The following WDPCP variants were observed in gnomAD, a reference collection of about 807,000 sequenced individuals.
WDPCP encodes the protein WD repeat containing planar cell polarity effector, also known as WD repeat-containing and planar cell polarity effector protein fritz homolog.
Under a neutral mutation model 93.1 loss-of-function variants are expected in WDPCP, and 71 were observed. The observed-to-expected ratio is 0.76, with a 90% CI of 0.63 to 0.93. The LOEUF (loss-of-function observed/expected upper bound fraction) is 0.93, where lower values mean the gene tolerates loss of function less well. WDPCP is among the 40% of genes least tolerant of loss of function. The pLI is 0.00. For synonymous variants in WDPCP, 315 were observed against 315.0 expected (o/e 1.00, Z 0.00); for missense variants, 844 against 887.4 (o/e 0.95, Z 0.62).
chr2:63,238,644 A>G (rs926828358), intron 14 of WDPCP, among the ~76,000 whole-genome samples: 3 of 152,172 alleles, frequency 2.0e-5, no homozygotes, highest in Admixed American at 2.0e-4. Context: ...CACAGGTTTA[A>G]AGACACACAA....
Position 63,382,071 on chromosome 2 carries a change from C to T in WDPCP, c.1459G>A (p.Gly487Ser). ...TACTGGAAGATGATGTCTATCAGGC[C>T]CAGCTGTCCTCGAGTGAAGACGCCT... ...KLGVFTRGQL[G>S]LIDIIFQYIH... Residue 487 changes from glycine (G) to serine (S), a missense_variant, in exon 11 of 18, where the codon GGC becomes AGC. By Grantham distance (56) the Gly-to-Ser change is moderately conservative. Transcript: ENST00000272321. 6.2e-7 allele frequency: 1 copy of T among 1,612,966 alleles called. No individual in the cohort carries two copies. The highest frequency in any genetic ancestry group is 8.5e-7 in the Non-Finnish European group (1 of 1,179,584).
intron 2 of WDPCP, among the ~76,000 whole-genome samples, chr2:63,707,782 T>C (rs931407229): frequency 2.0e-5 from 3 of 152,234 alleles, no homozygotes; most frequent in African/African-American, 7.2e-5. Context: ...TCTTTGATGA[T>C]GGTGATGTAC....
chr2:63,477,460 T>C (rs1381537455), intron 6 of WDPCP, among the ~76,000 whole-genome samples: 1 of 152,066 alleles, frequency 6.6e-6, no homozygotes, highest in African/African-American at 2.4e-5. Context: ...ATTTTTATCC[T>C]CAACATATGT....
At chr2:63,254,248 G>A (rs1680961181) in intron 14 of WDPCP, among the ~76,000 whole-genome samples, 1 of 152,090 alleles carries the variant, frequency 6.6e-6, no homozygotes, top group Admixed American at 6.6e-5. Context: ...AGGAGCAAGG[G>A]CTGAAAAACT....
chr2:63,665,486 G>C (rs1710272173), intron 2 of WDPCP, among the ~76,000 whole-genome samples: 1 of 152,122 alleles, frequency 6.6e-6, no homozygotes, highest in Non-Finnish European at 1.5e-5. Flanking sequence ...CCCTATTCCA[G>C]TATGACCTAA....
intron 17 of WDPCP, among the ~76,000 whole-genome samples, chr2:63,144,394 GGCTAATTTTTGTATTTTTGTCCA>G (rs1671325238): frequency 6.6e-6 from 1 of 152,008 alleles, no homozygotes; most frequent in African/African-American, 2.4e-5. Flanking sequence ...GTGATTCCCT[GGCTAATTTTTGTATTTTTGTCCA>G]GCTAATTTTT....
chr2:63,429,792 C>G (rs1036965154), intron 9 of WDPCP, among the ~76,000 whole-genome samples: 4 of 152,076 alleles, frequency 2.6e-5, no homozygotes, highest in African/African-American at 9.7e-5. Flanking sequence ...TCTCAAAGAA[C>G]TAAGAGTTGA....
intron 1 of WDPCP, among the ~76,000 whole-genome samples, chr2:63,586,429 A>C (rs980738751): frequency 6.6e-6 from 1 of 152,220 alleles, no homozygotes; most frequent in African/African-American, 2.4e-5. Context: ...ACACATTCAC[A>C]AACCACCTGG....
At chr2:63,201,137 G>C (rs184489533) in intron 14 of WDPCP, among the ~76,000 whole-genome samples, 2 of 152,142 alleles carry the variant, frequency 1.3e-5, no homozygotes, top group African/African-American at 4.8e-5. Flanking sequence ...ATGAGATCTC[G>C]ATGTTTAAAA....
intron 2 of WDPCP, among the ~76,000 whole-genome samples, chr2:63,689,144 G>T (rs1313710254): frequency 6.6e-6 from 1 of 152,148 alleles, no homozygotes; most frequent in Non-Finnish European, 1.5e-5. Flanking sequence ...CTCTTGCAGG[G>T]CTTTGTGGAA....
intron 13 of WDPCP, among the ~76,000 whole-genome samples, chr2:63,279,961 C>T (rs1373279602): frequency 4.6e-5 from 7 of 152,064 alleles, no homozygotes; most frequent in South Asian, 4.2e-4. Context: ...TACAAAATAC[C>T]ACTGAAAGAA....
At chr2:63,597,674 G>C (rs1169958670) in intron 3 of WDPCP, 1 of 1,086,196 alleles carries the variant, frequency 9.2e-7, no homozygotes, top group Non-Finnish European at 1.2e-6. Flanking sequence ...CTTTTTTCTA[G>C]TTCTGTACAA....
intron 6 of WDPCP, among the ~76,000 whole-genome samples, chr2:63,464,845 G>C (rs72821625): frequency 0.022 from 3,401 of 152,068 alleles, 50 homozygotes; most frequent in South Asian, 0.037. Flanking sequence ...CAAATTCATA[G>C]AAACAGAAAG....
intron 9 of WDPCP, among the ~76,000 whole-genome samples, chr2:63,412,156 T>C (rs969403124): frequency 4.6e-5 from 7 of 152,128 alleles, no homozygotes; most frequent in African/African-American, 1.4e-4. Context: ...CTGAATCCAA[T>C]AGCATATCGA....
intron 14 of WDPCP, among the ~76,000 whole-genome samples, chr2:63,207,269 T>G (rs957690168): frequency 3.9e-5 from 6 of 152,196 alleles, no homozygotes; most frequent in African/African-American, 1.4e-4. Flanking sequence ...CCAAATCTCA[T>G]GTCAAACTCA....
chr2:63,585,275 A>G (rs1708767120), intron 1 of WDPCP, among the ~76,000 whole-genome samples: 1 of 152,224 alleles, frequency 6.6e-6, no homozygotes, highest in South Asian at 2.1e-4. Flanking sequence ...TTAAAATACT[A>G]CATATTCATT....
chr2:63,179,809 A>G (rs896609023), intron 14 of WDPCP, among the ~76,000 whole-genome samples: 6 of 152,086 alleles, frequency 3.9e-5, no homozygotes, highest in Non-Finnish European at 8.8e-5. Context: ...TGGATTTTCC[A>G]GTTTTCCTTC....
chr2:63,363,210 A>G (rs1690621387), intron 12 of WDPCP, among the ~76,000 whole-genome samples: 1 of 152,196 alleles, frequency 6.6e-6, no homozygotes, highest in African/African-American at 2.4e-5. Flanking sequence ...CATGGTTCAT[A>G]TTAGATATGC....
At chr2:63,587,476 C>G (rs949063256) in intron 1 of WDPCP, among the ~76,000 whole-genome samples, 1 of 152,136 alleles carries the variant, frequency 6.6e-6, no homozygotes, top group Non-Finnish European at 1.5e-5. Context: ...AGCAAATCCT[C>G]CAAACTGAAA....
Sources: allele counts gnomAD v4.1 joint callset (sites outside exome capture counted in the v4.1 genomes callset), GRCh38; gene constraint gnomAD v4.1.1; transcripts MANE v1.5; gene names NCBI Gene and HGNC (gene_info 2026-07-23, HGNC 2026-07-21).